Variants in ZNF766 observed in about 807,000 individuals in gnomAD.
ZNF766 encodes zinc finger protein 766.
ZNF766 carries 13 observed loss-of-function variants against 13.2 expected under a neutral mutation model. The observed-to-expected ratio is 0.98, with a 90% CI of 0.64 to 1.56. The LOEUF (loss-of-function observed/expected upper bound fraction) is 1.56. ZNF766 is among the 40% of genes most tolerant of loss of function. ZNF766 has a pLI of 0.00. For synonymous variants in ZNF766, 178 were observed against 187.6 expected (o/e 0.95, Z 0.42); for missense variants, 521 against 552.2 (o/e 0.94, Z 0.57).
intron 3 of ZNF766, chr19:52,288,190 T>C (rs1600203237): frequency 3.8e-6 from 1 of 262,516 alleles, no homozygotes; most frequent in African/African-American, 2.4e-5. Flanking sequence ...CCAGCTAATT[T>C]TTTGAATTTT....
At chr19:52,287,185 C>A (rs1981875441) in intron 3 of ZNF766, among the ~76,000 whole-genome samples, 1 of 151,526 alleles carries the variant, frequency 6.6e-6, no homozygotes, top group Non-Finnish European at 1.5e-5. Context: ...CCCGGTCGCC[C>A]AGGCTGGAAT....
intron 1 of ZNF766, among the ~76,000 whole-genome samples, chr19:52,281,104 G>A (rs1430268969): frequency 4.6e-5 from 7 of 151,268 alleles, no homozygotes; most frequent in East Asian, 3.9e-4. Context: ...GTGGTGAACC[G>A]AGATCGCACC....
intron 1 of ZNF766, among the ~76,000 whole-genome samples, chr19:52,270,513 G>C (rs1980931261): frequency 6.6e-6 from 1 of 152,052 alleles, no homozygotes; most frequent in African/African-American, 2.4e-5. Context: ...TTGGGGAGAG[G>C]AGGAGGGATT....
chr19:52,283,677 T>C (rs918113730), intron 3 of ZNF766, among the ~76,000 whole-genome samples: 2 of 152,198 alleles, frequency 1.3e-5, no homozygotes, highest in Non-Finnish European at 2.9e-5. Context: ...TGTGAGTTCT[T>C]AAGAGAAATC....
At chr19:52,282,466 T>A in intron 2 of ZNF766, 2 of 324,304 alleles carry the variant, frequency 6.2e-6, no homozygotes, top group Non-Finnish European at 1.2e-5. Context: ...TAAAACCCCA[T>A]CTGTACTAAA....
At position 52,290,843 on chromosome 19, in the gene ZNF766, G is replaced by C; in HGVS notation, c.1052G>C (p.Gly351Ala). 6.2e-7 allele frequency: 1 copy of C among 1,614,112 alleles called. No individual in the cohort carries two copies. Among genetic ancestry groups the C allele is most frequent in the Non-Finnish European group, 8.5e-7 (1 of 1,179,992 alleles). The change falls in exon 4 of 4, where the codon GGA (glycine) becomes GCA (alanine). Residue 351 changes from glycine to alanine, a missense_variant. Transcript: ENST00000439461. ...SLTTHLLIHT[G>A]EKPYKCKECD... The stretch of plus-strand genomic sequence containing the variant: ...ACCACCCATCTGTTAATCCACACTG[G>C]AGAGAAACCTTACAAATGTAAAGAA...
chr19:52,277,066 G>T, intron 1 of ZNF766: 5 of 991,930 alleles, frequency 5.0e-6, no homozygotes, highest in Non-Finnish European at 6.0e-6. Flanking sequence ...TATTTCCACA[G>T]GGTGAGGTCT....
chr19:52,287,925 C>G (rs899162184), intron 3 of ZNF766: 3 of 386,988 alleles, frequency 7.8e-6, no homozygotes, highest in African/African-American at 4.4e-5. Flanking sequence ...AAAGAGTGAA[C>G]TCTTACTTTC....
At chr19:52,273,025 T>C (rs1981041771) in intron 1 of ZNF766, among the ~76,000 whole-genome samples, 1 of 152,130 alleles carries the variant, frequency 6.6e-6, no homozygotes, top group Non-Finnish European at 1.5e-5. Flanking sequence ...ATATTTTTTT[T>C]TCGAGACGGA....
chr19:52,289,932 C>T (rs1158943314), intron 3 of ZNF766, 134 bp from the exon 4 acceptor site: 8 of 832,854 alleles, frequency 9.6e-6, no homozygotes, highest in African/African-American at 5.3e-5. Context: ...ACCTGGGAGG[C>T]GGAGCTTGCA....
intron 1 of ZNF766, 39 bp downstream of exon 1, chr19:52,269,670 G>A (rs745548706): frequency 6.2e-7 from 1 of 1,611,264 alleles, no homozygotes; most frequent in Non-Finnish European, 8.5e-7. Flanking sequence ...TTCGCTTAGC[G>A]GTGCCCTCAC....
In ZNF766 at chr19:52,292,237, A is replaced by G; in HGVS notation, c.*1039A>G. On this transcript the variant is annotated 3_prime_UTR_variant, in exon 4 of 4. Coordinates refer to ENST00000439461, the MANE Select transcript of ZNF766 (RefSeq NM_001010851.3). Reference sequence around the variant, plus strand: ...GCGTTTCTATCCAGTTTCCTGGAGGAATAAGGACACTGCCTTTTCAGATTA... The same window carrying G: ...GCGTTTCTATCCAGTTTCCTGGAGGGATAAGGACACTGCCTTTTCAGATTA... The G allele has an allele frequency of 1.4e-6, 1 of 699,142 alleles. No homozygotes were observed. The highest frequency in any genetic ancestry group is 2.6e-6 in the Non-Finnish European group (1 of 383,944). The allele number at this position is 699,142 out of a possible 1,614,324, so 43.3% of individuals were successfully genotyped here.
At position 52,292,852 on chromosome 19, in the gene ZNF766, C is replaced by A. The variant is rs1488451040; in HGVS notation, c.*1654C>A. 1 of 152,150 alleles carries A rather than the reference C, an allele frequency of 6.6e-6. No individual in the cohort carries two copies. The highest frequency in any genetic ancestry group is 1.5e-5 in the Non-Finnish European group (1 of 68,054). The allele number at this position is 152,150 out of a possible 1,614,324, so 9.4% of individuals were successfully genotyped here. On this transcript the variant is annotated 3_prime_UTR_variant, in exon 4 of 4. Coordinates refer to ENST00000439461, the MANE Select transcript of ZNF766 (RefSeq NM_001010851.3). ...TTTTTAAAATTAAAGTTCTAGTGTA[C>A]ATGTCCACAACATGCAGGTTTGTTA... is the stretch of plus-strand genomic sequence containing the variant.
At chr19:52,273,606 T>A (rs1031959230) in intron 1 of ZNF766, among the ~76,000 whole-genome samples, 4 of 152,174 alleles carry the variant, frequency 2.6e-5, no homozygotes, top group African/African-American at 9.7e-5. Flanking sequence ...TGCAAACACC[T>A]TTTCTTCCCC....
At chr19:52,286,891 A>C (rs61024684) in intron 3 of ZNF766, among the ~76,000 whole-genome samples, 2 of 152,112 alleles carry the variant, frequency 1.3e-5, no homozygotes, top group East Asian at 3.9e-4. Flanking sequence ...GGTGGAGTGC[A>C]GTGGCTTGAT....
intron 3 of ZNF766, among the ~76,000 whole-genome samples, chr19:52,285,881 C>T (rs944380308): frequency 2.6e-5 from 4 of 152,100 alleles, no homozygotes; most frequent in Non-Finnish European, 4.4e-5. Context: ...ACATTATACC[C>T]AAAGACTGTA....
chr19:52,278,043 G>A (rs981341140), intron 1 of ZNF766, among the ~76,000 whole-genome samples: 21 of 148,822 alleles, frequency 1.4e-4, no homozygotes, highest in Non-Finnish European at 2.8e-4. Context: ...TGCAATCTTG[G>A]CTCACTGCAA....
At position 52,290,173 on chromosome 19, in the gene ZNF766, G is replaced by A; in HGVS notation, c.382G>A (p.Gly128Arg). 1.2e-6 allele frequency: 2 copies of A among 1,614,030 alleles called. No individual in the cohort carries two copies. The highest frequency in any genetic ancestry group is 1.7e-6 in the Non-Finnish European group (2 of 1,179,910). ...LPELEIFQGEGKIYECNQVQK... is the reference protein window; with the variant it reads ...LPELEIFQGERKIYECNQVQK... Reference sequence around the variant, plus strand: ...AGAACTGGAGATATTTCAAGGTGAAGGGAAGATTTATGAATGTAATCAAGT... The same window carrying A: ...AGAACTGGAGATATTTCAAGGTGAAAGGAAGATTTATGAATGTAATCAAGT... The change falls in exon 4 of 4, where the codon GGG (glycine) becomes AGG (arginine). Residue 128 changes from glycine (G) to arginine (R), a missense_variant. Coordinates refer to ENST00000439461, the MANE Select transcript of ZNF766 (RefSeq NM_001010851.3).
intron 1 of ZNF766, among the ~76,000 whole-genome samples, chr19:52,273,665 C>T (rs372658126): frequency 1.3e-5 from 2 of 152,238 alleles, no homozygotes; most frequent in African/African-American, 4.8e-5. Context: ...CTGTGTTCCT[C>T]TCCACCCTAC....
Sources: gnomAD v4.1 joint callset for allele counts (sites outside exome capture counted in the v4.1 genomes callset) on GRCh38, gnomAD v4.1.1 for gene constraint, MANE v1.5 for transcripts, NCBI Gene and HGNC (gene_info 2026-07-23, HGNC 2026-07-21) for gene names.